Variants in NAALADL2 observed in about 807,000 individuals in gnomAD.
The protein encoded by NAALADL2 is N-acetylated alpha-linked acidic dipeptidase like 2, also known as inactive N-acetylated-alpha-linked acidic dipeptidase-like protein 2.
In NAALADL2, 76 loss-of-function variants were observed where a neutral mutation model predicts 87.2. That is an observed-to-expected ratio of 0.87 (90% CI 0.72 to 1.05). The LOEUF is 1.05. Ranked by LOEUF, NAALADL2 falls within the 50% of genes least tolerant of loss-of-function variation. NAALADL2 has a pLI of 0.00. For synonymous variants in NAALADL2, 354 were observed against 331.0 expected (o/e 1.07, Z -0.75); for missense variants, 1,089 against 945.8 (o/e 1.15, Z -1.99).
At chr3:175,670,430 T>G (rs1038011359) in intron 11 of NAALADL2, among the ~76,000 whole-genome samples, 18 of 144,218 alleles carry the variant, frequency 1.2e-4, no homozygotes, top group African/African-American at 3.2e-4. Flanking sequence ...TTTAATATAT[T>G]TATATTAAAT....
intron 4 of NAALADL2, among the ~76,000 whole-genome samples, chr3:175,314,741 A>C (rs1758920761): frequency 8.1e-6 from 1 of 123,048 alleles, no homozygotes; most frequent in Admixed American, 9.0e-5. Flanking sequence ...AGGTACCGCA[A>C]CAAAATGTAT....
At chr3:175,221,041 CA>C (rs1485218433) in intron 2 of NAALADL2, among the ~76,000 whole-genome samples, 3 of 151,578 alleles carry the variant, frequency 2.0e-5, no homozygotes, top group Admixed American at 6.6e-5. Flanking sequence ...TACAAAAATA[CA>C]AAAAAATTTA....
chr3:175,594,268 C>A (rs776409131), intron 10 of NAALADL2, among the ~76,000 whole-genome samples: 4 of 152,082 alleles, frequency 2.6e-5, no homozygotes, highest in Non-Finnish European at 5.9e-5. Flanking sequence ...TCTGTTCCTG[C>A]ATTAATTCAT....
intron 9 of NAALADL2, among the ~76,000 whole-genome samples, chr3:175,575,197 G>A (rs907952681): frequency 2.0e-5 from 3 of 152,152 alleles, no homozygotes; most frequent in African/African-American, 7.2e-5. Flanking sequence ...GTAGTTGTTG[G>A]CATATAATTT....
At chr3:175,713,587 A>T (rs922984420) in intron 11 of NAALADL2, among the ~76,000 whole-genome samples, 2 of 152,154 alleles carry the variant, frequency 1.3e-5, no homozygotes, top group Non-Finnish European at 2.9e-5. Flanking sequence ...TATCAAGTAC[A>T]AATGATGTTA....
At chr3:174,702,136 C>T (rs1729610576) in intron 2 of NAALADL2, among the ~76,000 whole-genome samples, 1 of 152,030 alleles carries the variant, frequency 6.6e-6, no homozygotes, top group Non-Finnish European at 1.5e-5. Context: ...GTAGTGATAT[C>T]TCATTGTTAT....
At chr3:175,801,995 A>G (rs1754209965) in intron 13 of NAALADL2, among the ~76,000 whole-genome samples, 1 of 152,070 alleles carries the variant, frequency 6.6e-6, no homozygotes, top group African/African-American at 2.4e-5. Flanking sequence ...AGTGTAATGA[A>G]TTATATTACC....
At chr3:175,708,703 C>T (rs565991751) in intron 11 of NAALADL2, among the ~76,000 whole-genome samples, 2 of 151,536 alleles carry the variant, frequency 1.3e-5, no homozygotes, top group South Asian at 4.2e-4. Context: ...TAGAGGGATA[C>T]ATTTCCCTCC....
intron 1 of NAALADL2, among the ~76,000 whole-genome samples, chr3:174,441,491 G>A (rs986243568): frequency 6.6e-6 from 1 of 152,136 alleles, no homozygotes; most frequent in Non-Finnish European, 1.5e-5. Context: ...GGCGCCGCGG[G>A]CCCGCGCGTT....
At chr3:175,654,500 A>G (rs1334154432) in intron 11 of NAALADL2, among the ~76,000 whole-genome samples, 6 of 152,190 alleles carry the variant, frequency 3.9e-5, no homozygotes, top group African/African-American at 1.4e-4. Flanking sequence ...AAGTTGTCAT[A>G]CATTGACTTT....
At chr3:175,035,144 G>T (rs573227595) in intron 1 of NAALADL2, among the ~76,000 whole-genome samples, 3 of 152,200 alleles carry the variant, frequency 2.0e-5, no homozygotes, top group South Asian at 4.2e-4. Context: ...TGGATCTGTG[G>T]GGATCTACTT....
rs200366415 is a variant in NAALADL2 at position 174,792,597 on chromosome 3, A to G, written c.-9+54851A>G. On this transcript the variant is annotated intron_variant, in intron 3 of 3. Transcript: ENST00000434257. The stretch of plus-strand genomic sequence containing the variant: ...ATTGATGATAAGTGACCCTTCTGGT[A>G]TGGCAATTCTCTTGCCATGTTTAAA... Among the ~76,000 whole-genome samples the G allele has an allele frequency of 3.9e-5, 6 of 152,240 alleles. No homozygotes were observed. In the East Asian group the frequency reaches 1.2e-3, roughly 29 times the overall value.
At chr3:174,777,023 C>T (rs939056775) in intron 3 of NAALADL2, among the ~76,000 whole-genome samples, 2 of 152,034 alleles carry the variant, frequency 1.3e-5, no homozygotes, top group African/African-American at 2.4e-5. Flanking sequence ...AAGTTTATTG[C>T]TTTATAGACT....
chr3:175,745,160 A>C (rs1583088153), intron 12 of NAALADL2, among the ~76,000 whole-genome samples: 1 of 152,184 alleles, frequency 6.6e-6, no homozygotes, highest in Non-Finnish European at 1.5e-5. Flanking sequence ...ACCACCAGAA[A>C]GAAGGATAAT....
chr3:175,801,595 A>G (rs1754154024), intron 13 of NAALADL2, among the ~76,000 whole-genome samples: 1 of 152,034 alleles, frequency 6.6e-6, no homozygotes, highest in South Asian at 2.1e-4. Context: ...TCATCTTTCA[A>G]GATGCAATTT....
At chr3:175,697,722 AG>A (rs1738043919) in intron 11 of NAALADL2, among the ~76,000 whole-genome samples, 1 of 149,302 alleles carries the variant, frequency 6.7e-6, no homozygotes, top group Non-Finnish European at 1.5e-5. Context: ...TTATTAAAAA[AG>A]CAAATTTATA....
At chr3:175,215,071 C>T (rs1226526560) in intron 2 of NAALADL2, among the ~76,000 whole-genome samples, 1 of 152,038 alleles carries the variant, frequency 6.6e-6, no homozygotes, top group Admixed American at 6.6e-5. Flanking sequence ...AATGAAGTTA[C>T]TTGATATCTA....
At chr3:175,319,711 T>C (rs59396955) in intron 4 of NAALADL2, among the ~76,000 whole-genome samples, 261 of 152,220 alleles carry the variant, frequency 1.7e-3, no homozygotes, top group African/African-American at 5.9e-3. Context: ...TCCCAGCTAC[T>C]TGGGAGACTG....
chr3:174,747,458 C>T (rs1734368720), intron 3 of NAALADL2, among the ~76,000 whole-genome samples: 2 of 151,544 alleles, frequency 1.3e-5, no homozygotes, highest in Non-Finnish European at 2.9e-5. Context: ...CATGTCTCTA[C>T]TAAAAATATA....
Sources: allele counts gnomAD v4.1 joint callset (sites outside exome capture counted in the v4.1 genomes callset), GRCh38; gene constraint gnomAD v4.1.1; transcripts MANE v1.5; gene names NCBI Gene and HGNC (gene_info 2026-07-23, HGNC 2026-07-21).